Variants in MAP2K2 observed in about 807,000 individuals in gnomAD.
MAP2K2 encodes the protein mitogen-activated protein kinase kinase 2, also known as dual specificity mitogen-activated protein kinase kinase 2.
Under a neutral mutation model 43.7 loss-of-function variants are expected in MAP2K2, and 24 were observed. That is an observed-to-expected ratio of 0.55 (90% CI 0.40 to 0.77). The LOEUF (loss-of-function observed/expected upper bound fraction) is 0.77, where lower values mean the gene tolerates loss of function less well. Among genes scored for constraint, MAP2K2 ranks in the 30% least tolerant of loss-of-function variants. The probability of loss-of-function intolerance (pLI) is 0.00; values close to 1 mark genes in which losing one functional copy is unlikely to be tolerated. For synonymous variants in MAP2K2, 244 were observed against 239.7 expected, an observed-to-expected ratio of 1.02 and a Z score of -0.17; for missense variants, 470 against 566.8, an observed-to-expected ratio of 0.83 and a Z score of 1.73.
At chr19:4,116,554 G>A (rs1299335426) in intron 2 of MAP2K2, among the ~76,000 whole-genome samples, 1 of 151,884 alleles carries the variant, frequency 6.6e-6, no homozygotes, top group Non-Finnish European at 1.5e-5. Context: ...TATCATTAAG[G>A]ACAGGGATAC....
chr19:4,117,981 A>T lies in MAP2K2; in HGVS notation c.93-352T>A, dbSNP rs980832086. Among the ~76,000 whole-genome samples, 14 of 151,824 alleles carry T rather than the reference A, an allele frequency of 9.2e-5. 1 individual carries two copies. Among genetic ancestry groups the T allele is most frequent in the Admixed American group, 2.6e-4 (4 of 15,234 alleles). On this transcript the variant is annotated intron_variant, in intron 1 of 10. Transcript: ENST00000262948. ...GAGACGGAGTCTCCCTCTGTTGCTC[A>T]GGCTGGAATGCAGTGGCGCGATCTC...
At position 4,111,993 on chromosome 19, in the gene MAP2K2, C is replaced by CA. The variant is rs920806525; in HGVS notation, c.304-1339dup. ...AAAAACAAAACAACAACAACAACAA[C>CA]AACAAAAACACCACGGGCAACCCCT... On this transcript the variant is annotated intron_variant, in intron 2 of 10. Coordinates refer to ENST00000262948, the MANE Select transcript of MAP2K2 (RefSeq NM_030662.4). Among the ~76,000 whole-genome samples the CA allele has an allele frequency of 6.7e-5, 10 of 149,708 alleles. 1 individual carries two copies. Among genetic ancestry groups the CA allele is most frequent in the African/African-American group, 2.5e-4 (10 of 40,486 alleles).
At chr19:4,100,914 GGGGTGAGAGCTGA>G in intron 6 of MAP2K2, 92 bp downstream of exon 6, 1 of 1,310,394 alleles carries the variant, frequency 7.6e-7, no homozygotes, top group Non-Finnish European at 1.1e-6. Flanking sequence ...AGGAGACATG[GGGGTGAGAGCTGA>G]GGGGGAGAGC....
chr19:4,123,720 G>A (rs2041333763), intron 1 of MAP2K2, 64 bp downstream of exon 1: 1 of 992,112 alleles, frequency 1.0e-6, no homozygotes, highest in Admixed American at 2.9e-5. Context: ...CCCTCGCCCC[G>A]TCCTTCCCCG....
At chr19:4,102,924 G>C (rs1178816162) in intron 3 of MAP2K2, 29 of 1,137,986 alleles carry the variant, frequency 2.5e-5, no homozygotes, top group Non-Finnish European at 2.7e-5. Context: ...TGAGGGCGCG[G>C]AGGAGACGCG....
At position 4,115,184 on chromosome 19, in the gene MAP2K2, G is replaced by C. The variant is rs967023277; in HGVS notation, c.303+2235C>G. On this transcript the variant is annotated intron_variant, in intron 2 of 10. Transcript: ENST00000262948. This position sits in a 1 kb window ranked among gnomAD's most constrained non-coding sequence, Gnocchi z 4.1. ...CAAGATGACTGACATCTTACATGAC[G>C]GAAGGACAGTACTGACACCCAGAGC... Among the ~76,000 whole-genome samples the C allele has an allele frequency of 6.6e-6, 1 of 152,042 alleles. No individual in the cohort carries two copies. The highest frequency in any genetic ancestry group is 1.5e-5 in the Non-Finnish European group (1 of 68,016).
intron 2 of MAP2K2, among the ~76,000 whole-genome samples, chr19:4,112,383 C>T (rs1338839796): frequency 2.0e-5 from 3 of 152,206 alleles, no homozygotes; most frequent in African/African-American, 4.8e-5. Context: ...AGGACAGAGT[C>T]ACCATGAGGA....
At chr19:4,114,198 G>A (rs1168254576) in intron 2 of MAP2K2, among the ~76,000 whole-genome samples, 1 of 152,210 alleles carries the variant, frequency 6.6e-6, no homozygotes, top group Non-Finnish European at 1.5e-5. Context: ...TGGATCTGGA[G>A]GCTCAGCCCC....
intron 9 of MAP2K2, chr19:4,095,093 G>C: frequency 2.5e-6 from 1 of 403,472 alleles, no homozygotes; most frequent in Middle Eastern, 7.0e-4. Context: ...CCAGGGGTCC[G>C]GGGACCAGAC....
intron 2 of MAP2K2, among the ~76,000 whole-genome samples, chr19:4,111,541 C>T (rs909710347): frequency 1.8e-4 from 27 of 152,184 alleles, no homozygotes; most frequent in Non-Finnish European, 2.9e-5. Flanking sequence ...CACAGAGCCG[C>T]GGGCGCCCCT....
intron 1 of MAP2K2, among the ~76,000 whole-genome samples, chr19:4,120,319 A>G (rs1259257820): frequency 1.3e-5 from 2 of 152,124 alleles, no homozygotes; most frequent in African/African-American, 4.8e-5. Flanking sequence ...GAATAAATGA[A>G]TATTTATTTT....
At chr19:4,102,587 C>T (rs773442792) in intron 3 of MAP2K2, 134 bp from the exon 4 acceptor site, 8 of 907,974 alleles carry the variant, frequency 8.8e-6, no homozygotes, top group African/African-American at 3.3e-5. Flanking sequence ...ACTCCACCCA[C>T]GGGCCAAGGG....
intron 3 of MAP2K2, among the ~76,000 whole-genome samples, chr19:4,105,615 T>C (rs2041076411): frequency 6.6e-6 from 1 of 152,146 alleles, no homozygotes; most frequent in Non-Finnish European, 1.5e-5. Flanking sequence ...ATAAATAACC[T>C]GGACGCCGCA....
Position 4,117,431 on chromosome 19 carries a change from G to C in MAP2K2, c.291C>G (p.Ile97Met), listed in dbSNP as rs200918323. Residue 97 changes from isoleucine (I) to methionine (M), a missense_variant, in exon 2 of 11, where the codon ATC (isoleucine) becomes ATG (methionine). Ile to Met is a conservative substitution (Grantham distance 10, BLOSUM62 1). This residue lies in a region of MAP2K2 where 200 missense variants were observed against 297.9 expected (regional missense o/e 0.67). Coordinates refer to ENST00000262948, the MANE Select transcript of MAP2K2 (RefSeq NM_030662.4). ...CCGCAGTGCTCACCTTCCTGGCCAT[G>C]ATGAGGCCCGAGGGTCTGTGCTGGA... ...TKVQHRPSGL[I>M]MARKLIHLEI... is the part of the protein sequence containing the mutation. 27 of 1,613,146 alleles carry C rather than the reference G, an allele frequency of 1.7e-5. No homozygotes were observed. Among genetic ancestry groups the C allele is most frequent in the Non-Finnish European group, 2.1e-5 (25 of 1,179,938 alleles).
intron 8 of MAP2K2, among the ~76,000 whole-genome samples, chr19:4,096,159 T>A (rs1049494051): frequency 9.2e-5 from 14 of 152,096 alleles, no homozygotes; most frequent in African/African-American, 2.9e-4. Context: ...GTGTAAGCGG[T>A]GCCAGCAGGG....
chr19:4,100,428 T>TGA (rs1568253174), intron 6 of MAP2K2: 2 of 21,496 alleles, frequency 9.3e-5, no homozygotes, highest in African/African-American at 4.7e-4. Context: ...AGACTCTGTC[T>TGA]CAAAAAAAAA....
intron 10 of MAP2K2, among the ~76,000 whole-genome samples, chr19:4,091,634 T>C (rs1342084076): frequency 2.0e-5 from 3 of 151,910 alleles, no homozygotes; most frequent in Admixed American, 2.0e-4. Flanking sequence ...ATTATAGGTG[T>C]GAGCCACCGC....
Position 4,094,516 on chromosome 19 carries a change from C to T in MAP2K2, c.1047-18G>A. The T allele has an allele frequency of 6.4e-7, 1 of 1,563,302 alleles. No homozygotes were observed. The highest frequency in any genetic ancestry group is 8.7e-7 in the Non-Finnish European group (1 of 1,153,264). On this transcript the variant is annotated intron_variant, in intron 9 of 10. Coordinates refer to ENST00000262948, the MANE Select transcript of MAP2K2 (RefSeq NM_030662.4). ...TGATGAGGCTGGGGGTTCCAAGAGGCAGGACCGGGAGGCGGTGGAGGAGAC... is the reference window on the plus strand; with the variant it reads ...TGATGAGGCTGGGGGTTCCAAGAGGTAGGACCGGGAGGCGGTGGAGGAGAC...
chr19:4,122,182 A>C (rs1016922936), intron 1 of MAP2K2, among the ~76,000 whole-genome samples: 8 of 5,320 alleles, frequency 1.5e-3, no homozygotes, highest in Non-Finnish European at 2.3e-3. Flanking sequence ...TCTCTCCCCC[A>C]TAGGAACCCT....
Sources: allele counts gnomAD v4.1 joint callset (sites outside exome capture counted in the v4.1 genomes callset), GRCh38; gene constraint gnomAD v4.1.1; regional missense constraint gnomAD v4.1.1; non-coding constraint Gnocchi (gnomAD v3.1); transcripts MANE v1.5; gene names NCBI Gene and HGNC (gene_info 2026-07-23, HGNC 2026-07-21).